The following FAM13A variants were observed in gnomAD, a reference collection of about 807,000 sequenced individuals.
The protein encoded by FAM13A is protein FAM13A.
FAM13A carries 76 observed loss-of-function variants against 129.6 expected under a neutral mutation model. The observed-to-expected ratio is 0.59, with a 90% CI of 0.49 to 0.71. The LOEUF (loss-of-function observed/expected upper bound fraction) is 0.71, where lower values mean the gene tolerates loss of function less well. Ranked by LOEUF, FAM13A falls within the 30% of genes least tolerant of loss-of-function variation. The probability of loss-of-function intolerance (pLI) is 0.00; values close to 1 mark genes in which losing one functional copy is unlikely to be tolerated. For missense variants in FAM13A, 1,108 were observed against 1,249.3 expected, an observed-to-expected ratio of 0.89 and a Z score of 1.70; for synonymous variants, 443 against 449.9, an observed-to-expected ratio of 0.98 and a Z score of 0.20.
chr4:88,925,923 G>T (rs1030211971), intron 5 of FAM13A, among the ~76,000 whole-genome samples: 3 of 152,062 alleles, frequency 2.0e-5, no homozygotes, highest in African/African-American at 7.2e-5. Flanking sequence ...CTTCGTGGAG[G>T]GGGTAGTATT....
At chr4:88,898,794 A>T (rs1746770904) in intron 6 of FAM13A, among the ~76,000 whole-genome samples, 1 of 152,098 alleles carries the variant, frequency 6.6e-6, no homozygotes, top group South Asian at 2.1e-4. Flanking sequence ...GGATGTGGTA[A>T]AAAGGGAACA....
chr4:88,797,004 CA>C (rs1431944779), intron 8 of FAM13A, among the ~76,000 whole-genome samples: 4 of 151,828 alleles, frequency 2.6e-5, no homozygotes, highest in African/African-American at 7.2e-5. Context: ...AGAAAATAGA[CA>C]AAAAAACCTC....
In FAM13A at chr4:88,732,764, T is replaced by C. The variant is rs755249842; in HGVS notation, c.2647-566A>G. On this transcript the variant is annotated intron_variant, in intron 21 of 23. Coordinates refer to ENST00000264344, the MANE Select transcript of FAM13A (RefSeq NM_014883.4). ...GAAATTTTAAGAAGACTGAAAGATATTATATTCTCATGATTGAAATAAGAA... is the reference window on the plus strand; with the variant it reads ...GAAATTTTAAGAAGACTGAAAGATACTATATTCTCATGATTGAAATAAGAA... Among the ~76,000 whole-genome samples, 5 of 151,838 alleles carry C rather than the reference T, an allele frequency of 3.3e-5. No individual in the cohort carries two copies. In the East Asian group the frequency reaches 7.7e-4, roughly 23 times the overall value.
chr4:88,939,241 C>T (rs1458893812), intron 4 of FAM13A, among the ~76,000 whole-genome samples: 2 of 152,086 alleles, frequency 1.3e-5, no homozygotes, highest in East Asian at 1.9e-4. Flanking sequence ...AGAAGCTGTT[C>T]CTTGCCTCCC....
chr4:88,738,151 A>G (rs1415103906), intron 20 of FAM13A, among the ~76,000 whole-genome samples: 1 of 152,204 alleles, frequency 6.6e-6, no homozygotes, highest in Non-Finnish European at 1.5e-5. Context: ...AGAAATAGAC[A>G]ATATTCTAGG....
At chr4:88,730,801 C>T (rs1258630629) in intron 23 of FAM13A, among the ~76,000 whole-genome samples, 1 of 152,152 alleles carries the variant, frequency 6.6e-6, no homozygotes, top group Non-Finnish European at 1.5e-5. Context: ...TCCCTTGTTT[C>T]TCTAGCTCCT....
chr4:88,887,000 C>T (rs1202294430), intron 6 of FAM13A, among the ~76,000 whole-genome samples: 1 of 152,058 alleles, frequency 6.6e-6, no homozygotes, highest in African/African-American at 2.4e-5. Flanking sequence ...TCGCAACAAC[C>T]TGGATGGAAT....
At chr4:88,954,881 G>A (rs13135897) in intron 4 of FAM13A, among the ~76,000 whole-genome samples, 46 of 134,866 alleles carry the variant, frequency 3.4e-4, no homozygotes, top group African/African-American at 7.7e-4. Context: ...GCAAGACTTC[G>A]TCTCAAAAAA....
intron 6 of FAM13A, among the ~76,000 whole-genome samples, chr4:88,857,776 G>A (rs1173145025): frequency 6.6e-6 from 1 of 152,062 alleles, no homozygotes; most frequent in Non-Finnish European, 1.5e-5. Context: ...TCTGCAAACT[G>A]GGAAGTGCCA....
intron 7 of FAM13A, among the ~76,000 whole-genome samples, chr4:88,805,607 C>A (rs1728397581): frequency 6.6e-6 from 1 of 152,016 alleles, no homozygotes; most frequent in Admixed American, 6.6e-5. Context: ...CAAATGAAAT[C>A]ATTAAAAAGT....
At chr4:88,878,854 T>C (rs1327746925) in intron 6 of FAM13A, among the ~76,000 whole-genome samples, 1 of 152,206 alleles carries the variant, frequency 6.6e-6, no homozygotes, top group African/African-American at 2.4e-5. Context: ...TACAAACTTA[T>C]GGAGCCTGAT....
At chr4:88,904,484 GA>G (rs2150224390) in intron 6 of FAM13A, among the ~76,000 whole-genome samples, 1 of 152,248 alleles carries the variant, frequency 6.6e-6, no homozygotes, top group African/African-American at 2.4e-5. Context: ...GATGGAGCTG[GA>G]AACCGTTATT....
intron 11 of FAM13A, among the ~76,000 whole-genome samples, chr4:88,774,986 A>G (rs1044187442): frequency 2.6e-5 from 4 of 152,170 alleles, no homozygotes; most frequent in Non-Finnish European, 4.4e-5. Flanking sequence ...ATCAAATGTT[A>G]ATTTCTAAGT....
At chr4:88,930,950 C>T (rs984234735) in intron 5 of FAM13A, among the ~76,000 whole-genome samples, 4 of 152,170 alleles carry the variant, frequency 2.6e-5, no homozygotes, top group Middle Eastern at 3.2e-3. Context: ...GTGATGAGTG[C>T]AGCCATGTTG....
At chr4:88,988,792 C>T (rs1762577721) in intron 4 of FAM13A, among the ~76,000 whole-genome samples, 1 of 152,042 alleles carries the variant, frequency 6.6e-6, no homozygotes. Context: ...AGACAAAAAG[C>T]TCGGCTACTC....
At chr4:88,762,883 CAAAGT>C (rs1299698342) in intron 13 of FAM13A, among the ~76,000 whole-genome samples, 1 of 152,082 alleles carries the variant, frequency 6.6e-6, no homozygotes, top group African/African-American at 2.4e-5. Context: ...TGTTAAATCA[CAAAGT>C]AAATTAATTT....
intron 14 of FAM13A, among the ~76,000 whole-genome samples, chr4:88,755,587 A>G (rs1175432326): frequency 1.3e-5 from 2 of 152,228 alleles, no homozygotes; most frequent in Non-Finnish European, 2.9e-5. Flanking sequence ...ATTGTTTAGA[A>G]AGAGGCATCA....
intron 21 of FAM13A, among the ~76,000 whole-genome samples, chr4:88,733,271 A>T (rs1436482823): frequency 2.0e-5 from 3 of 152,240 alleles, no homozygotes. Context: ...TGAATAAACA[A>T]GCAACCAAAC....
intron 5 of FAM13A, among the ~76,000 whole-genome samples, chr4:88,912,597 ACACAC>A (rs955115738): frequency 3.3e-5 from 5 of 149,852 alleles, no homozygotes; most frequent in African/African-American, 1.2e-4. Context: ...ACACACACAC[ACACAC>A]ACCTCCTATT....
Sources: allele counts gnomAD v4.1 joint callset (sites outside exome capture counted in the v4.1 genomes callset), GRCh38; gene constraint gnomAD v4.1.1; transcripts MANE v1.5; gene names NCBI Gene and HGNC (gene_info 2026-07-23, HGNC 2026-07-21).